Variants in TMEM132D observed in about 807,000 individuals in gnomAD.
The protein encoded by TMEM132D is transmembrane protein 132D.
A neutral mutation model predicts 62.3 loss-of-function variants in TMEM132D; 21 were observed. The ratio of observed to expected loss-of-function variants is 0.34; its 90% CI spans 0.24 to 0.49. The LOEUF is 0.49. TMEM132D is among the 20% of genes least tolerant of loss of function. The pLI, the probability that TMEM132D is intolerant of heterozygous loss-of-function variation, is 0.99. For synonymous variants in TMEM132D, 621 were observed against 575.6 expected, an observed-to-expected ratio of 1.08 and a Z score of -1.13; for missense variants, 1,346 against 1,402.8, an observed-to-expected ratio of 0.96 and a Z score of 0.65.
chr12:129,339,393 A>ATTGC, intron 3 of TMEM132D, among the ~76,000 whole-genome samples: 2 of 151,764 alleles, frequency 1.3e-5, no homozygotes. Context: ...AAGAACCCCA[A>ATTGC]ATCTCTTCCA....
chr12:129,433,138 A>C lies in TMEM132D; in HGVS notation c.1116-95321T>G, dbSNP rs115786991. On this transcript the variant is annotated intron_variant, in intron 3 of 8. Coordinates refer to ENST00000422113, the MANE Select transcript of TMEM132D (RefSeq NM_133448.3). ...TTGCTGCATACTGTTCTATGCCACA[A>C]GTTACTTATTCATTCTACTGGTCAT... Among the ~76,000 whole-genome samples, 86 of 152,302 alleles carry C rather than the reference A, an allele frequency of 5.6e-4. 1 individual carries two copies. Among genetic ancestry groups the C allele is most frequent in the African/African-American group, 2.0e-3 (84 of 41,564 alleles).
intron 3 of TMEM132D, among the ~76,000 whole-genome samples, chr12:129,393,941 G>C (rs1185674190): frequency 6.6e-6 from 1 of 152,122 alleles, no homozygotes; most frequent in Non-Finnish European, 1.5e-5. Context: ...TCTCAGAAAA[G>C]ACATCCACCC....
In TMEM132D at chr12:129,700,080, C is replaced by G. The variant is rs765486372; in HGVS notation, c.698G>C (p.Gly233Ala). The G allele has an allele frequency of 6.4e-5, 103 of 1,613,580 alleles. No individual in the cohort carries two copies. The highest frequency in any genetic ancestry group is 3.3e-4 in the Middle Eastern group (2 of 6,084). Residue 233 changes from glycine (G) to alanine (A), a missense_variant, in exon 2 of 9, where the codon GGG becomes GCG. Gly to Ala is a moderately conservative substitution (Grantham distance 60). Coordinates refer to ENST00000422113, the MANE Select transcript of TMEM132D (RefSeq NM_133448.3). Reference sequence around the variant, plus strand: ...CCTGACGCAGTCCCCTCTCTCACCCCCTGGGTGCACGGTGTAGTAGAGCTC... The same window carrying G: ...CCTGACGCAGTCCCCTCTCTCACCCGCTGGGTGCACGGTGTAGTAGAGCTC... ...PVELYYTVHP[G>A]GERGDCVRED...
chr12:129,544,644 A>G (rs1435253566), intron 2 of TMEM132D, among the ~76,000 whole-genome samples: 4 of 152,206 alleles, frequency 2.6e-5, no homozygotes, highest in Admixed American at 2.6e-4. Flanking sequence ...AATACCACAT[A>G]TTTCAGTAAG....
intron 5 of TMEM132D, among the ~76,000 whole-genome samples, chr12:129,129,821 C>G (rs984887834): frequency 9.9e-5 from 15 of 152,144 alleles, no homozygotes; most frequent in Admixed American, 4.6e-4. Context: ...GAATGCAACT[C>G]TAAAGTGAGC....
Position 129,626,461 on chromosome 12 carries a change from C to G in TMEM132D, c.968+73349G>C, listed in dbSNP as rs970347202. 2.0e-5 allele frequency among the ~76,000 whole-genome samples: 3 copies of G among 150,928 alleles called. No homozygotes were observed. In the East Asian group the frequency reaches 5.8e-4, roughly 29 times the overall value. On this transcript the variant is annotated intron_variant, in intron 2 of 8. Coordinates refer to ENST00000422113, the MANE Select transcript of TMEM132D (RefSeq NM_133448.3). ...GTACTTTTTTTCTACTTTTATGTGC[C>G]AATTTTTTTTTTCTGAGATGGAGTC...
chr12:129,796,649 C>T (rs573295306), intron 1 of TMEM132D, among the ~76,000 whole-genome samples: 28 of 152,168 alleles, frequency 1.8e-4, no homozygotes, highest in African/African-American at 6.3e-4. Flanking sequence ...AAACATCGTG[C>T]GTTCTCACTC....
intron 5 of TMEM132D, among the ~76,000 whole-genome samples, chr12:129,207,299 C>A (rs531509570): frequency 2.6e-5 from 4 of 151,016 alleles, no homozygotes; most frequent in African/African-American, 7.3e-5. Context: ...GACAGTCAGA[C>A]GATGAATACA....
chr12:129,784,216 C>T (rs1310587911), intron 1 of TMEM132D, among the ~76,000 whole-genome samples: 1 of 152,170 alleles, frequency 6.6e-6, no homozygotes, highest in Admixed American at 6.5e-5. Context: ...ATTTAGGGCT[C>T]ACTCTGTGGG....
chr12:129,248,735 A>G (rs1045527098), intron 4 of TMEM132D, among the ~76,000 whole-genome samples: 1 of 152,036 alleles, frequency 6.6e-6, no homozygotes, highest in Non-Finnish European at 1.5e-5. Context: ...GTTAGACCCT[A>G]TCGTCTGCTG....
intron 5 of TMEM132D, among the ~76,000 whole-genome samples, chr12:129,104,522 C>A (rs953226656): frequency 3.7e-4 from 57 of 152,106 alleles, no homozygotes; most frequent in African/African-American, 1.1e-3. Context: ...CAATGGCAAC[C>A]AAAGCCAAAA....
intron 4 of TMEM132D, among the ~76,000 whole-genome samples, chr12:129,278,099 C>G (rs1881045702): frequency 6.6e-6 from 1 of 152,202 alleles, no homozygotes; most frequent in Non-Finnish European, 1.5e-5. Flanking sequence ...CTGGTTCTAA[C>G]TGCTCACTCC....
chr12:129,798,737 G>T (rs1258834335), intron 1 of TMEM132D, among the ~76,000 whole-genome samples: 1 of 13,490 alleles, frequency 7.4e-5, no homozygotes, highest in African/African-American at 1.4e-4. Flanking sequence ...AAGGAAGTCA[G>T]GGTTCTGGCT....
rs573730234 is a variant in TMEM132D at position 129,615,364 on chromosome 12, A to C, written c.969-84159T>G. Among the ~76,000 whole-genome samples, 9 of 152,188 alleles carry C rather than the reference A, an allele frequency of 5.9e-5. No homozygotes were observed. The South Asian group carries it at 1.9e-3, about 32-fold the overall frequency. ...CGTTTGTTTAGGTGAAAGGTTACAA[A>C]AGGAGGGTTTTCAGTTCATCGTCAC... On this transcript the variant is annotated intron_variant, in intron 2 of 8. Coordinates refer to ENST00000422113, the MANE Select transcript of TMEM132D (RefSeq NM_133448.3).
chr12:129,608,165 A>G (rs1197280496), intron 2 of TMEM132D, among the ~76,000 whole-genome samples: 1 of 152,222 alleles, frequency 6.6e-6, no homozygotes, highest in African/African-American at 2.4e-5. Flanking sequence ...ACCCCTCTTC[A>G]TCCTGAAGCA....
chr12:129,153,188 C>G (rs1877127696), intron 5 of TMEM132D, among the ~76,000 whole-genome samples: 1 of 152,146 alleles, frequency 6.6e-6, no homozygotes, highest in South Asian at 2.1e-4. Flanking sequence ...CTGGACTTTG[C>G]TCCACACACC....
intron 3 of TMEM132D, among the ~76,000 whole-genome samples, chr12:129,460,238 T>G (rs1256389435): frequency 6.6e-6 from 1 of 152,204 alleles, no homozygotes; most frequent in Non-Finnish European, 1.5e-5. Flanking sequence ...TGCTTGTGTA[T>G]TCCCGTGATG....
rs547930782 is a variant in TMEM132D, at chr12:129,900,600, C to A, written c.79+2661G>T. Among the ~76,000 whole-genome samples, 43 of 152,300 alleles carry A rather than the reference C, an allele frequency of 2.8e-4. No homozygotes were observed. The South Asian group carries it at 3.3e-3, about 12-fold the overall frequency. ...GTAACAAGCAACCTAAATGTGGCAA[C>A]CCTCTTGACTTTGTATTTAAAAATC... On this transcript the variant is annotated intron_variant, in intron 1 of 8. Coordinates refer to ENST00000422113, the MANE Select transcript of TMEM132D (RefSeq NM_133448.3).
At chr12:129,746,453 C>T (rs772617525) in intron 1 of TMEM132D, among the ~76,000 whole-genome samples, 1 of 152,094 alleles carries the variant, frequency 6.6e-6, no homozygotes, top group South Asian at 2.1e-4. Flanking sequence ...AATTAGGAGA[C>T]GGGAGGATAT....
Sources: allele counts gnomAD v4.1 joint callset (sites outside exome capture counted in the v4.1 genomes callset), GRCh38; gene constraint gnomAD v4.1.1; transcripts MANE v1.5; gene names NCBI Gene and HGNC (gene_info 2026-07-23, HGNC 2026-07-21).